NXNL2: variants seen among roughly 807,000 people sequenced by gnomAD.
The protein encoded by NXNL2 is nucleoredoxin-like protein 2.
In NXNL2, 7 loss-of-function variants were observed where a neutral mutation model predicts 11.1. That is an observed-to-expected ratio of 0.63 (90% CI 0.36 to 1.18). The LOEUF (loss-of-function observed/expected upper bound fraction) is 1.18, where lower values mean the gene tolerates loss of function less well. Ranked by LOEUF, NXNL2 falls within the 50% of genes most tolerant of loss-of-function variation. The pLI, the probability that NXNL2 is intolerant of heterozygous loss-of-function variation, is 0.02. For synonymous variants in NXNL2, 109 were observed against 101.8 expected (o/e 1.07, Z -0.42); for missense variants, 233 against 217.7 (o/e 1.07, Z -0.44).
chr9:88,580,063 T>C (rs1830392383), downstream of NXNL2, among the ~76,000 whole-genome samples: 1 of 150,408 alleles, frequency 6.6e-6, no homozygotes. Flanking sequence ...TCGCTTGAAC[T>C]GGGAGGCAGA....
chr9:88,550,931 T>A (rs1354907849), intron 1 of NXNL2, among the ~76,000 whole-genome samples: 1 of 152,190 alleles, frequency 6.6e-6, no homozygotes, highest in Non-Finnish European at 1.5e-5. Flanking sequence ...CTCGTCACCT[T>A]CTTGTTTTCT....
chr9:88,550,281 A>G (rs980763092), intron 1 of NXNL2, among the ~76,000 whole-genome samples: 2 of 152,176 alleles, frequency 1.3e-5, no homozygotes, highest in Non-Finnish European at 2.9e-5. Flanking sequence ...ATTCAACATG[A>G]TATTTGGGAA....
At chr9:88,548,615 G>A (rs138302783), downstream of NXNL2, among the ~76,000 whole-genome samples, 82 of 149,376 alleles carry the variant, frequency 5.5e-4, no homozygotes, top group African/African-American at 1.8e-3. Flanking sequence ...CCTGGGAGGC[G>A]GAGCTTGCAG....
intron 1 of NXNL2, 135 bp downstream of exon 1, chr9:88,535,871 G>C (rs986670064): frequency 4.3e-6 from 3 of 692,788 alleles, no homozygotes; most frequent in Non-Finnish European, 7.0e-6. Context: ...TTCACGTCCG[G>C]ACTCCGGTAA....
intron 1 of NXNL2, among the ~76,000 whole-genome samples, chr9:88,558,263 C>T (rs1830044007): frequency 1.3e-5 from 2 of 152,082 alleles, no homozygotes; most frequent in African/African-American, 4.8e-5. Flanking sequence ...AATAAAGCTT[C>T]CATGAAACCC....
intron 1 of NXNL2, among the ~76,000 whole-genome samples, chr9:88,583,733 T>C (rs1469738605): frequency 6.6e-6 from 1 of 152,202 alleles, no homozygotes; most frequent in Admixed American, 6.5e-5. Context: ...ACAAGGTCTG[T>C]AGAATGCAAT....
intron 1 of NXNL2, among the ~76,000 whole-genome samples, chr9:88,569,632 T>C (rs972457585): frequency 3.3e-5 from 5 of 152,248 alleles, no homozygotes; most frequent in Non-Finnish European, 7.3e-5. Flanking sequence ...TAATATGCAC[T>C]TATTGTTATT....
intron 1 of NXNL2, among the ~76,000 whole-genome samples, chr9:88,581,429 A>C (rs1016685453): frequency 7.7e-5 from 7 of 91,002 alleles, no homozygotes; most frequent in Non-Finnish European, 1.2e-4. Flanking sequence ...AAATGAAGCA[A>C]CCACTTTTTC....
intron 1 of NXNL2, among the ~76,000 whole-genome samples, chr9:88,558,136 A>G (rs1830042621): frequency 6.6e-6 from 1 of 152,178 alleles, no homozygotes. Flanking sequence ...CAGGGGAACC[A>G]ACCATGTGGT....
chr9:88,569,764 T>C (rs1461156728), intron 1 of NXNL2, among the ~76,000 whole-genome samples: 1 of 152,242 alleles, frequency 6.6e-6, no homozygotes, highest in Admixed American at 6.5e-5. Context: ...GTTAATAGAT[T>C]CTTAATTTGA....
chr9:88,574,925 A>G (rs887782032), intron 2 of NXNL2, among the ~76,000 whole-genome samples: 2 of 152,178 alleles, frequency 1.3e-5, no homozygotes, highest in African/African-American at 4.8e-5. Flanking sequence ...GCATAACTCT[A>G]AGGACATTGC....
chr9:88,567,572 A>G (rs5012630), intron 1 of NXNL2, among the ~76,000 whole-genome samples: 23,285 of 152,238 alleles, frequency 0.15, 3,076 homozygotes, highest in East Asian at 0.78. Flanking sequence ...TATGCCAACC[A>G]GGACTTTTGT....
chr9:88,580,220 C>T (rs1170170273), downstream of NXNL2, among the ~76,000 whole-genome samples: 3 of 145,130 alleles, frequency 2.1e-5, no homozygotes, highest in African/African-American at 7.7e-5. Context: ...GTGGTGAAAT[C>T]TCAGCTCACT....
At chr9:88,547,321 A>G (rs1829858462), downstream of NXNL2, among the ~76,000 whole-genome samples, 1 of 152,230 alleles carries the variant, frequency 6.6e-6, no homozygotes, top group African/African-American at 2.4e-5. Flanking sequence ...AGCCACTGGC[A>G]TTCCTGCAGG....
At chr9:88,553,340 C>CT (rs1363417370) in intron 1 of NXNL2, among the ~76,000 whole-genome samples, 2 of 151,972 alleles carry the variant, frequency 1.3e-5, no homozygotes, top group Non-Finnish European at 2.9e-5. Context: ...GAGTGAAATT[C>CT]TGTCTCAAAA....
chr9:88,546,828 G>T (rs866355536), downstream of NXNL2, among the ~76,000 whole-genome samples: 1 of 152,104 alleles, frequency 6.6e-6, no homozygotes, highest in Admixed American at 6.5e-5. Flanking sequence ...CAAGTGCCTT[G>T]TGCCCCTTGT....
intron 1 of NXNL2, among the ~76,000 whole-genome samples, chr9:88,561,438 G>A (rs181736302): frequency 6.6e-5 from 10 of 150,784 alleles, no homozygotes; most frequent in African/African-American, 1.7e-4. Context: ...TCAATCTATC[G>A]ATCAATCTAT....
chr9:88,546,007 T>C (rs1214756174), downstream of NXNL2, among the ~76,000 whole-genome samples: 1 of 152,144 alleles, frequency 6.6e-6, no homozygotes, highest in African/African-American at 2.4e-5. Flanking sequence ...CCTCAGGTGA[T>C]CCACCCGCCT....
rs916159045 is a variant in NXNL2 at position 88,535,373 on chromosome 9, C to G, written c.-62C>G. ...GGCACCGCGGCGCTCGCCGCCGCCT[C>G]CCCGCAGGTGATCATCCTCCTGCAG... On this transcript the variant is annotated 5_prime_UTR_variant, in exon 1 of 2. Coordinates refer to ENST00000375854, the MANE Select transcript of NXNL2 (RefSeq NM_001161625.2). 2 of 1,459,866 alleles carry G rather than the reference C, an allele frequency of 1.4e-6. No individual in the cohort carries two copies. The highest frequency in any genetic ancestry group is 1.4e-5 in the African/African-American group (1 of 70,990). 90.4% of individuals were successfully genotyped at this position (1,459,866 alleles called of 1,614,324 possible). A position where few individuals can be genotyped will look rare whatever the true frequency, so the allele number is the denominator to read the frequency against.
Sources: allele counts gnomAD v4.1 joint callset (sites outside exome capture counted in the v4.1 genomes callset), GRCh38; gene constraint gnomAD v4.1.1; transcripts MANE v1.5; gene names NCBI Gene and HGNC (gene_info 2026-07-23, HGNC 2026-07-21).